The following RAB7A variants were observed in gnomAD, a reference collection of about 807,000 sequenced individuals.
RAB7A encodes the protein RAB7A, member RAS oncogene family.
Under a neutral mutation model 24.5 loss-of-function variants are expected in RAB7A, and 2 were observed. That is an observed-to-expected ratio of 0.08 (90% confidence interval 0.03 to 0.26). The LOEUF (loss-of-function observed/expected upper bound fraction) is 0.26, where lower values mean the gene tolerates loss of function less well. Ranked by LOEUF, RAB7A falls within the 10% of genes least tolerant of loss-of-function variation. RAB7A has a pLI of 1.00. For synonymous variants in RAB7A, 100 were observed against 95.9 expected (o/e 1.04, Z -0.25); for missense variants, 118 against 255.7 (o/e 0.46, Z 3.67).
In RAB7A at chr3:128,768,934, T is replaced by G. The variant is rs181081459; in HGVS notation, c.-8-26426T>G. Among the ~76,000 whole-genome samples the G allele has an allele frequency of 6.0e-5, 9 of 150,704 alleles. No homozygotes were observed. The East Asian group carries it at 1.8e-3, about 29-fold the overall frequency. ...TAATTACAGAACCGTTTCTTTTCTCTTTTCCTTTCCTTTCCTTTTTTCTTT... is the reference window on the plus strand; with the variant it reads ...TAATTACAGAACCGTTTCTTTTCTCGTTTCCTTTCCTTTCCTTTTTTCTTT... On this transcript the variant is annotated intron_variant, in intron 1 of 5. Transcript: ENST00000265062.
intron 1 of RAB7A, among the ~76,000 whole-genome samples, chr3:128,771,459 G>T (rs138166647): frequency 2.0e-4 from 30 of 152,302 alleles, no homozygotes; most frequent in African/African-American, 7.0e-4. Context: ...AACCAGCATT[G>T]GTTCCAGGAA....
At position 128,813,443 on chromosome 3, in the gene RAB7A, A is replaced by G. The variant is rs1028518180; in HGVS notation, c.*21A>G. ...GCTGAGGGGGCAGTGAGAGTTGAGC[A>G]CAGAGTCCTTCACAAACCAAGAACA... On this transcript the variant is annotated 3_prime_UTR_variant, in exon 6 of 6. Coordinates refer to ENST00000265062, the MANE Select transcript of RAB7A (RefSeq NM_004637.6). The G allele has an allele frequency of 6.2e-7, 1 of 1,607,516 alleles. No individual in the cohort carries two copies. The highest frequency in any genetic ancestry group is 8.5e-7 in the Non-Finnish European group (1 of 1,174,352).
At chr3:128,806,035 C>G (rs1933796266) in intron 3 of RAB7A, among the ~76,000 whole-genome samples, 1 of 152,212 alleles carries the variant, frequency 6.6e-6, no homozygotes, top group South Asian at 2.1e-4. Flanking sequence ...CCATTGCTCT[C>G]AGAAAGTTCC....
chr3:128,782,962 G>A (rs768043682), intron 1 of RAB7A, among the ~76,000 whole-genome samples: 8 of 152,170 alleles, frequency 5.3e-5, no homozygotes, highest in Non-Finnish European at 8.8e-5. Context: ...GTAAGAGAGT[G>A]TCTTGTGCTA....
chr3:128,754,761 T>G (rs1344278983), intron 1 of RAB7A, among the ~76,000 whole-genome samples: 2 of 152,096 alleles, frequency 1.3e-5, no homozygotes, highest in Non-Finnish European at 2.9e-5. Context: ...TACACTAATA[T>G]CAGACAAAAT....
chr3:128,774,667 G>T (rs1933036655), intron 1 of RAB7A, among the ~76,000 whole-genome samples: 2 of 152,188 alleles, frequency 1.3e-5, no homozygotes, highest in Non-Finnish European at 1.5e-5. Context: ...TCCGCTCCCG[G>T]GTTCACGCCA....
intron 1 of RAB7A, among the ~76,000 whole-genome samples, chr3:128,769,304 A>G (rs2070863008): frequency 6.6e-6 from 1 of 152,072 alleles, no homozygotes; most frequent in South Asian, 2.1e-4. Context: ...ATCCTTGCCA[A>G]CACAGCATGG....
chr3:128,751,118 G>T (rs2070676678), intron 1 of RAB7A, among the ~76,000 whole-genome samples: 1 of 152,194 alleles, frequency 6.6e-6, no homozygotes, highest in African/African-American at 2.4e-5. Flanking sequence ...TTACTGCAGG[G>T]GCAGGACTCT....
At chr3:128,729,840 C>T (rs2070417170) in intron 1 of RAB7A, among the ~76,000 whole-genome samples, 1 of 152,156 alleles carries the variant, frequency 6.6e-6, no homozygotes, top group African/African-American at 2.4e-5. Context: ...CAGGCTTTTC[C>T]TGGGGAGGTA....
chr3:128,778,814 G>C (rs539882920), intron 1 of RAB7A, among the ~76,000 whole-genome samples: 4 of 152,282 alleles, frequency 2.6e-5, no homozygotes, highest in African/African-American at 9.6e-5. Flanking sequence ...GAAGAGTTGA[G>C]AGAACCAGAG....
intron 1 of RAB7A, among the ~76,000 whole-genome samples, chr3:128,761,508 T>A (rs1333232539): frequency 1.3e-5 from 2 of 152,196 alleles, no homozygotes; most frequent in East Asian, 3.8e-4. Flanking sequence ...TCTTTGCATC[T>A]CTAGCAGTTG....
At chr3:128,741,283 A>C (rs1007740501) in intron 1 of RAB7A, among the ~76,000 whole-genome samples, 2 of 152,056 alleles carry the variant, frequency 1.3e-5, no homozygotes, top group African/African-American at 4.8e-5. Flanking sequence ...TGTTTTTGTA[A>C]CATAGAGACT....
chr3:128,766,963 T>C (rs1419834910), intron 1 of RAB7A, among the ~76,000 whole-genome samples: 1 of 152,012 alleles, frequency 6.6e-6, no homozygotes, highest in Non-Finnish European at 1.5e-5. Flanking sequence ...CAAAACTCGT[T>C]TTCTGTTTTT....
intron 1 of RAB7A, among the ~76,000 whole-genome samples, chr3:128,791,904 C>T (rs1229463843): frequency 6.6e-6 from 1 of 152,148 alleles, no homozygotes; most frequent in Non-Finnish European, 1.5e-5. Flanking sequence ...CTTTGTCTGT[C>T]CCAGTCTTTC....
chr3:128,802,833 G>A (rs866065462), intron 3 of RAB7A, among the ~76,000 whole-genome samples: 1 of 147,260 alleles, frequency 6.8e-6, no homozygotes, highest in African/African-American at 2.5e-5. Flanking sequence ...TGAGACAGGA[G>A]TCTCACTGTC....
At chr3:128,738,587 G>C (rs1225499626) in intron 1 of RAB7A, among the ~76,000 whole-genome samples, 1 of 152,010 alleles carries the variant, frequency 6.6e-6, no homozygotes, top group African/African-American at 2.4e-5. Context: ...AGCTTTTCTT[G>C]ACCACTTACG....
intron 1 of RAB7A, among the ~76,000 whole-genome samples, chr3:128,747,155 G>T (rs893460846): frequency 1.3e-5 from 2 of 151,242 alleles, no homozygotes; most frequent in Admixed American, 1.3e-4. Context: ...AAATAGGCTT[G>T]TTGGTGTATA....
At chr3:128,791,471 C>G (rs1309134347) in intron 1 of RAB7A, among the ~76,000 whole-genome samples, 2 of 152,186 alleles carry the variant, frequency 1.3e-5, no homozygotes, top group Non-Finnish European at 2.9e-5. Context: ...GAAATCCCAT[C>G]CCTAAACAGA....
intron 1 of RAB7A, among the ~76,000 whole-genome samples, chr3:128,791,965 C>G (rs962276606): frequency 9.2e-5 from 14 of 152,226 alleles, no homozygotes; most frequent in Non-Finnish European, 1.5e-5. Flanking sequence ...GAGTCAGAAT[C>G]TAGAAAGATC....
Sources: gnomAD v4.1 joint callset for allele counts (sites outside exome capture counted in the v4.1 genomes callset) on GRCh38, gnomAD v4.1.1 for gene constraint, MANE v1.5 for transcripts, NCBI Gene and HGNC (gene_info 2026-07-23, HGNC 2026-07-21) for gene names.